Variants in COG5 observed in about 807,000 individuals in gnomAD.
COG5 encodes component of oligomeric golgi complex 5.
In COG5, 86 loss-of-function variants were observed where a neutral mutation model predicts 110.4. The observed-to-expected ratio is 0.78, with a 90% CI of 0.65 to 0.93. The LOEUF (loss-of-function observed/expected upper bound fraction) is 0.93. Among genes scored for constraint, COG5 ranks in the 40% least tolerant of loss-of-function variants. The pLI, the probability that COG5 is intolerant of heterozygous loss-of-function variation, is 0.00. For missense variants in COG5, 1,077 were observed against 987.0 expected (o/e 1.09, Z -1.22); for synonymous variants, 360 against 334.6 (o/e 1.08, Z -0.83).
chr7:107,546,628 C>T (rs572534361), intron 5 of COG5, among the ~76,000 whole-genome samples: 10 of 148,216 alleles, frequency 6.7e-5, no homozygotes, highest in Non-Finnish European at 1.3e-4. Flanking sequence ...ATAGATAAAT[C>T]AAATCAATAA....
intron 11 of COG5, among the ~76,000 whole-genome samples, chr7:107,318,262 A>G (rs879737758): frequency 2.0e-5 from 3 of 152,106 alleles, no homozygotes; most frequent in Non-Finnish European, 4.4e-5. Flanking sequence ...TCCTGACCTT[A>G]TGATCTGCCC....
At chr7:107,563,557 G>GGT in intron 1 of COG5, 1 of 475,838 alleles carries the variant, frequency 2.1e-6, no homozygotes, top group Non-Finnish European at 3.8e-6. Context: ...GGGGGGGGGG[G>GGT]GTCGAGTTGA....
chr7:107,507,794 T>A (rs968163941), intron 6 of COG5, among the ~76,000 whole-genome samples: 9 of 152,174 alleles, frequency 5.9e-5, no homozygotes, highest in African/African-American at 2.2e-4. Context: ...ATATCATAGC[T>A]ACAATAAGAA....
chr7:107,434,753 T>G (rs144796673), intron 6 of COG5, among the ~76,000 whole-genome samples: 2,563 of 151,972 alleles, frequency 0.017, 67 homozygotes, highest in African/African-American at 0.055. Context: ...GGCGGATCAC[T>G]AGGTCAGGAG....
chr7:107,475,381 C>G (rs1274941154), intron 6 of COG5: 1 of 1,119,560 alleles, frequency 8.9e-7, no homozygotes, highest in South Asian at 1.7e-5. Context: ...CTCAGTTTCA[C>G]CAAATCCACA....
At chr7:107,490,249 C>T (rs1797903308) in intron 6 of COG5, among the ~76,000 whole-genome samples, 2 of 152,204 alleles carry the variant, frequency 1.3e-5, no homozygotes, top group African/African-American at 2.4e-5. Flanking sequence ...AGGATAACCT[C>T]AAACCCTTGA....
chr7:107,221,918 T>G (rs1799957457), intron 19 of COG5, among the ~76,000 whole-genome samples: 1 of 152,176 alleles, frequency 6.6e-6, no homozygotes, highest in Non-Finnish European at 1.5e-5. Context: ...CTATAGCAAT[T>G]TAAGTTAGTT....
chr7:107,547,439 C>T (rs1290681861), intron 5 of COG5, among the ~76,000 whole-genome samples: 2 of 152,164 alleles, frequency 1.3e-5, no homozygotes, highest in African/African-American at 2.4e-5. Context: ...AAGTTGAAAG[C>T]TTTTCCTCTA....
chr7:107,259,950 A>G (rs1023842874), intron 14 of COG5, among the ~76,000 whole-genome samples: 1 of 152,002 alleles, frequency 6.6e-6, no homozygotes, highest in Non-Finnish European at 1.5e-5. Context: ...TAGGATGTAG[A>G]AAAACTGAAC....
At position 107,258,398 on chromosome 7, in the gene COG5, T is replaced by C. The variant is rs1562937199; in HGVS notation, c.1576-15A>G. ...TGTGTGGAGAGCTGTAAGAATTCAATTTCAAAAGAATGTGTCAGAATGATA... is the reference window on the plus strand; with the variant it reads ...TGTGTGGAGAGCTGTAAGAATTCAACTTCAAAAGAATGTGTCAGAATGATA... On this transcript the variant is annotated splice_polypyrimidine_tract_variant and intron_variant, in intron 14 of 21. Coordinates refer to ENST00000297135, the MANE Select transcript of COG5 (RefSeq NM_006348.5). 6.9e-7 allele frequency: 1 copy of C among 1,448,972 alleles called. No homozygotes were observed. The highest frequency in any genetic ancestry group is 9.7e-7 in the Non-Finnish European group (1 of 1,029,754). The allele number at this position is 1,448,972 out of a possible 1,614,324, so 89.8% of individuals were successfully genotyped here. A position where few individuals can be genotyped will look rare whatever the true frequency, so the allele number is the denominator to read the frequency against.
At chr7:107,359,497 C>A (rs1812910090) in intron 10 of COG5, among the ~76,000 whole-genome samples, 1 of 152,086 alleles carries the variant, frequency 6.6e-6, no homozygotes, top group Admixed American at 6.5e-5. Context: ...GGCTCCTGGG[C>A]AGAAATGGGC....
At chr7:107,387,556 C>T (rs1790302772) in intron 7 of COG5, among the ~76,000 whole-genome samples, 1 of 152,212 alleles carries the variant, frequency 6.6e-6, no homozygotes, top group East Asian at 1.9e-4. Flanking sequence ...CTGATGATGG[C>T]CACTGTTCTC....
intron 21 of COG5, chr7:107,208,268 A>G: frequency 1.0e-6 from 1 of 985,462 alleles, no homozygotes; most frequent in Non-Finnish European, 1.2e-6. Context: ...TTAAAAAAGC[A>G]TGACAGTATT....
In COG5 at chr7:107,260,075, G is replaced by GATATATATATATATAT. The variant is rs143875588; in HGVS notation, c.1576-1708_1576-1693dup. ...GTGACACAGCAGTTCAACTCCTAGT[G>GATATATATATATATAT]ATATATATATATATATATGAAATAA... On this transcript the variant is annotated intron_variant, in intron 14 of 21. Transcript: ENST00000297135. Among the ~76,000 whole-genome samples, 419 of 131,516 alleles carry GATATATATATATATAT rather than the reference G, an allele frequency of 3.2e-3. 16 individuals are homozygous for GATATATATATATATAT. In the East Asian group the frequency reaches 0.039, roughly 12 times the overall value. The allele number at this position is 131,516 out of a possible 152,430, so 86.3% of individuals were successfully genotyped here.
chr7:107,374,663 T>C (rs892041901), intron 7 of COG5, among the ~76,000 whole-genome samples: 1 of 152,070 alleles, frequency 6.6e-6, no homozygotes, highest in African/African-American at 2.4e-5. Context: ...CTATTGGCAT[T>C]ATTTTAACGT....
chr7:107,496,173 G>A (rs1007670141), intron 6 of COG5, among the ~76,000 whole-genome samples: 35 of 151,740 alleles, frequency 2.3e-4, no homozygotes, highest in African/African-American at 7.8e-4. Context: ...AGTCTATGAG[G>A]GCCAGCATTT....
intron 6 of COG5, among the ~76,000 whole-genome samples, chr7:107,426,179 A>G (rs1793630946): frequency 1.3e-5 from 2 of 152,186 alleles, no homozygotes; most frequent in African/African-American, 4.8e-5. Flanking sequence ...AGTTTGTGGT[A>G]CTTTGTTATA....
At chr7:107,503,760 G>C (rs560524607) in intron 6 of COG5, among the ~76,000 whole-genome samples, 14 of 152,172 alleles carry the variant, frequency 9.2e-5, no homozygotes, top group African/African-American at 3.4e-4. Flanking sequence ...TTTTGCAGAT[G>C]CAAAAGGGGC....
chr7:107,401,870 T>C (rs2129061207), intron 7 of COG5, among the ~76,000 whole-genome samples: 2 of 152,324 alleles, frequency 1.3e-5, no homozygotes, highest in East Asian at 3.9e-4. Flanking sequence ...CCTGCAGAAC[T>C]ACTATCGCAA....
Sources: gnomAD v4.1 joint callset for allele counts (sites outside exome capture counted in the v4.1 genomes callset) on GRCh38, gnomAD v4.1.1 for gene constraint, MANE v1.5 for transcripts, NCBI Gene and HGNC (gene_info 2026-07-23, HGNC 2026-07-21) for gene names.